The following NCAM2 variants were observed in gnomAD, a reference collection of about 807,000 sequenced individuals.
The protein encoded by NCAM2 is N-CAM-2.
Under a neutral mutation model 98.1 loss-of-function variants are expected in NCAM2, and 30 were observed. The ratio of observed to expected loss-of-function variants is 0.31; its 90% confidence interval spans 0.23 to 0.41. NCAM2 has a LOEUF of 0.41. Among genes scored for constraint, NCAM2 ranks in the 10% least tolerant of loss-of-function variants. The pLI, the probability that NCAM2 is intolerant of heterozygous loss-of-function variation, is 1.00. For synonymous variants in NCAM2, 368 were observed against 342.4 expected, an observed-to-expected ratio of 1.07 and a Z score of -0.83; for missense variants, 867 against 1,005.8, an observed-to-expected ratio of 0.86 and a Z score of 1.87.
At chr21:21,189,373 A>G (rs1408513167) in intron 1 of NCAM2, among the ~76,000 whole-genome samples, 2 of 152,170 alleles carry the variant, frequency 1.3e-5, no homozygotes, top group African/African-American at 2.4e-5. Context: ...ATTTGCTTCT[A>G]GATAAGATTT....
At chr21:21,200,751 ATTTT>A (rs58162973) in intron 1 of NCAM2, among the ~76,000 whole-genome samples, 6 of 108,662 alleles carry the variant, frequency 5.5e-5, no homozygotes, top group East Asian at 5.2e-4. Context: ...GGGGCCCTTC[ATTTT>A]TTTTTTTTTT....
intron 1 of NCAM2, among the ~76,000 whole-genome samples, chr21:21,198,412 G>A (rs992838130): frequency 6.6e-6 from 1 of 152,058 alleles, no homozygotes; most frequent in African/African-American, 2.4e-5. Context: ...GTACTTTACT[G>A]GAAAGAAAAT....
intron 1 of NCAM2, among the ~76,000 whole-genome samples, chr21:21,072,043 G>A (rs1167751239): frequency 1.3e-5 from 2 of 150,238 alleles, no homozygotes; most frequent in Non-Finnish European, 2.9e-5. Context: ...CTCCCGAGTA[G>A]CTGGGACTAC....
rs2070283960 is a variant in NCAM2, at chr21:21,224,121, G to C, written c.56-56457G>C. Among the ~76,000 whole-genome samples the C allele has an allele frequency of 1.3e-5, 2 of 152,174 alleles. 1 individual carries two copies. Among genetic ancestry groups the C allele is most frequent in the South Asian group, 4.1e-4 (2 of 4,836 alleles). ...GCCATATAAATGTGTAGCAATTTGAGAGTCAGCACAGAATGTTAAAGACAA... is the reference window on the plus strand; with the variant it reads ...GCCATATAAATGTGTAGCAATTTGACAGTCAGCACAGAATGTTAAAGACAA... On this transcript the variant is annotated intron_variant, in intron 1 of 17. Transcript: ENST00000400546.
intron 1 of NCAM2, among the ~76,000 whole-genome samples, chr21:21,005,233 A>G (rs564252906): frequency 6.6e-6 from 1 of 152,314 alleles, no homozygotes; most frequent in East Asian, 1.9e-4. Context: ...TCTGCTGGCC[A>G]TGGCCATGTG....
intron 16 of NCAM2, among the ~76,000 whole-genome samples, chr21:21,528,566 T>G (rs544108872): frequency 6.6e-6 from 1 of 152,346 alleles, no homozygotes; most frequent in East Asian, 1.9e-4. Flanking sequence ...TTATAATTGC[T>G]GGGCATCATA....
intron 5 of NCAM2, among the ~76,000 whole-genome samples, chr21:21,317,917 G>A (rs933594805): frequency 5.3e-5 from 8 of 152,092 alleles, no homozygotes; most frequent in African/African-American, 1.2e-4. Context: ...TTAATGTATA[G>A]GTTGACATAA....
intron 1 of NCAM2, among the ~76,000 whole-genome samples, chr21:21,263,715 C>A (rs1260911109): frequency 6.6e-6 from 1 of 152,058 alleles, no homozygotes; most frequent in Non-Finnish European, 1.5e-5. Flanking sequence ...ACACCTACAA[C>A]CAACTGATCT....
At chr21:21,093,083 A>G (rs1420771636) in intron 1 of NCAM2, among the ~76,000 whole-genome samples, 1 of 151,996 alleles carries the variant, frequency 6.6e-6, no homozygotes, top group East Asian at 1.9e-4. Flanking sequence ...CAAGAAGACA[A>G]TTTGTTATGT....
chr21:21,180,550 A>G (rs935538641), intron 1 of NCAM2, among the ~76,000 whole-genome samples: 8 of 152,292 alleles, frequency 5.3e-5, no homozygotes, highest in African/African-American at 1.7e-4. Flanking sequence ...AATATAATTT[A>G]TTTATTCAAA....
At chr21:21,353,962 A>C (rs1225110004) in intron 8 of NCAM2, among the ~76,000 whole-genome samples, 3 of 152,200 alleles carry the variant, frequency 2.0e-5, no homozygotes, top group Admixed American at 2.0e-4. Flanking sequence ...TTGTCTAAAA[A>C]TGCTATGTTA....
At chr21:21,053,754 C>T (rs905366002) in intron 1 of NCAM2, among the ~76,000 whole-genome samples, 1 of 150,546 alleles carries the variant, frequency 6.6e-6, no homozygotes, top group Non-Finnish European at 1.5e-5. Context: ...ATGGTAAATT[C>T]ATCTTTTATC....
At chr21:21,243,940 G>A (rs1430412965) in intron 1 of NCAM2, among the ~76,000 whole-genome samples, 1 of 152,172 alleles carries the variant, frequency 6.6e-6, no homozygotes, top group Non-Finnish European at 1.5e-5. Flanking sequence ...GGATCACCTG[G>A]AGAATGCTTT....
At chr21:21,296,011 C>T (rs1390254757) in intron 5 of NCAM2, among the ~76,000 whole-genome samples, 1 of 151,694 alleles carries the variant, frequency 6.6e-6, no homozygotes, top group African/African-American at 2.4e-5. Context: ...AGAGTTTTTA[C>T]TGTCATTTCA....
chr21:21,313,716 A>G (rs2147735554), intron 5 of NCAM2, among the ~76,000 whole-genome samples: 1 of 152,130 alleles, frequency 6.6e-6, no homozygotes, highest in Non-Finnish European at 1.5e-5. Flanking sequence ...TCATTCATTT[A>G]AAATGTTATT....
At chr21:21,057,793 C>T (rs921097600) in intron 1 of NCAM2, among the ~76,000 whole-genome samples, 13 of 152,088 alleles carry the variant, frequency 8.5e-5, no homozygotes, top group African/African-American at 2.7e-4. Flanking sequence ...TACCTGTGCT[C>T]CTAAAAGCTT....
At chr21:21,115,134 T>A (rs2066528540) in intron 1 of NCAM2, among the ~76,000 whole-genome samples, 1 of 152,156 alleles carries the variant, frequency 6.6e-6, no homozygotes, top group Non-Finnish European at 1.5e-5. Context: ...TTAATTTCAT[T>A]TAAAGATGCA....
chr21:21,312,979 G>T (rs1362472315), intron 5 of NCAM2, among the ~76,000 whole-genome samples: 2 of 151,550 alleles, frequency 1.3e-5, no homozygotes, highest in Non-Finnish European at 3.0e-5. Context: ...TCAAGGATGT[G>T]GTTCGTATTT....
intron 1 of NCAM2, among the ~76,000 whole-genome samples, chr21:21,134,253 G>A (rs182706340): frequency 3.3e-4 from 50 of 151,994 alleles, no homozygotes; most frequent in East Asian, 2.7e-3. Flanking sequence ...TGTATCTTTA[G>A]TAAAGACAGG....
Sources: gnomAD v4.1 joint callset for allele counts (sites outside exome capture counted in the v4.1 genomes callset) on GRCh38, gnomAD v4.1.1 for gene constraint, MANE v1.5 for transcripts, NCBI Gene and HGNC (gene_info 2026-07-23, HGNC 2026-07-21) for gene names.